Variants in ZBTB20 observed in about 807,000 individuals in gnomAD.
The protein encoded by ZBTB20 is zinc finger and BTB domain-containing protein 20.
Under a neutral mutation model 56.9 loss-of-function variants are expected in ZBTB20, and 9 were observed. The ratio of observed to expected loss-of-function variants is 0.16; its 90% CI spans 0.10 to 0.28. The LOEUF is 0.28. ZBTB20 is among the 10% of genes least tolerant of loss of function. The pLI is 1.00. For missense variants in ZBTB20, 655 were observed against 1,003.0 expected (o/e 0.65, Z 4.69); for synonymous variants, 417 against 420.7 (o/e 0.99, Z 0.11).
chr3:114,875,341 C>T (rs1377936578), intron 4 of ZBTB20, among the ~76,000 whole-genome samples: 5 of 152,186 alleles, frequency 3.3e-5, no homozygotes, highest in Non-Finnish European at 7.3e-5. Flanking sequence ...GCATATTTTG[C>T]ACCTTCACAT....
At position 115,019,231 on chromosome 3, in the gene ZBTB20, T is replaced by G. The variant is rs77968650; in HGVS notation, c.-506-44815A>C. Among the ~76,000 whole-genome samples, 805 of 151,364 alleles carry G rather than the reference T, an allele frequency of 5.3e-3. 8 individuals are homozygous for G. Among genetic ancestry groups the G allele is most frequent in the African/African-American group, 0.019 (770 of 41,428 alleles). On this transcript the variant is annotated intron_variant, in intron 2 of 11. Transcript: ENST00000675478. ...CCTTCATCTTGACAGAGAAAAAATT[T>G]TAGATGGATTAATTTTGAACCTAAA...
chr3:115,065,007 C>T (rs2082157033), intron 2 of ZBTB20, among the ~76,000 whole-genome samples: 1 of 152,106 alleles, frequency 6.6e-6, no homozygotes, highest in South Asian at 2.1e-4. Flanking sequence ...TTACCATATA[C>T]TTTTATAACA....
chr3:115,041,966 A>G (rs1014388194), intron 2 of ZBTB20, among the ~76,000 whole-genome samples: 9 of 152,156 alleles, frequency 5.9e-5, no homozygotes, highest in Non-Finnish European at 1.2e-4. Context: ...TTATTCTAAC[A>G]GATAGGAGGT....
At chr3:115,106,254 G>T (rs1235636131) in intron 1 of ZBTB20, among the ~76,000 whole-genome samples, 4 of 123,080 alleles carry the variant, frequency 3.2e-5, no homozygotes, top group Non-Finnish European at 5.0e-5. Flanking sequence ...TTTTTTTTGA[G>T]ACAGAGTCTC....
intron 6 of ZBTB20, among the ~76,000 whole-genome samples, chr3:114,555,161 G>C (rs2051047251): frequency 6.6e-6 from 1 of 152,070 alleles, no homozygotes; most frequent in Admixed American, 6.6e-5. Flanking sequence ...CCACTGCAAG[G>C]CTATTCCTCA....
intron 5 of ZBTB20, among the ~76,000 whole-genome samples, chr3:114,749,867 G>A (rs2067429574): frequency 6.6e-6 from 1 of 152,184 alleles, no homozygotes; most frequent in Non-Finnish European, 1.5e-5. Flanking sequence ...AGAATTAAAT[G>A]TAAAATGCTT....
At chr3:114,571,084 AAAAG>A (rs1559975244) in intron 6 of ZBTB20, among the ~76,000 whole-genome samples, 2 of 152,318 alleles carry the variant, frequency 1.3e-5, no homozygotes, top group South Asian at 2.1e-4. Context: ...GGAAATTAAA[AAAAG>A]AAAGAAAATA....
intron 2 of ZBTB20, among the ~76,000 whole-genome samples, chr3:114,977,392 A>T (rs2078146548): frequency 6.6e-6 from 1 of 152,230 alleles, no homozygotes; most frequent in Admixed American, 6.5e-5. Flanking sequence ...ATGAGAAAAC[A>T]TCAAGCATTA....
intron 6 of ZBTB20, among the ~76,000 whole-genome samples, chr3:114,577,249 T>C (rs2054174039): frequency 6.6e-6 from 1 of 151,984 alleles, no homozygotes; most frequent in Non-Finnish European, 1.5e-5. Flanking sequence ...TCTAACTATG[T>C]ACCCATATAA....
chr3:114,925,058 A>G (rs2076103948), intron 3 of ZBTB20, among the ~76,000 whole-genome samples: 1 of 139,100 alleles, frequency 7.2e-6, no homozygotes, highest in South Asian at 2.2e-4. Flanking sequence ...ATCTCGGCTC[A>G]CTGCAACCTC....
At chr3:114,638,082 G>A (rs777668684) in intron 6 of ZBTB20, among the ~76,000 whole-genome samples, 71 of 152,150 alleles carry the variant, frequency 4.7e-4, no homozygotes, top group Non-Finnish European at 6.0e-4. Flanking sequence ...AGCCAATTAT[G>A]ACAAGTGTAT....
chr3:114,833,807 C>T (rs1363612746), intron 4 of ZBTB20, among the ~76,000 whole-genome samples: 2 of 151,138 alleles, frequency 1.3e-5, no homozygotes, highest in East Asian at 3.9e-4. Flanking sequence ...ACTGTGATTA[C>T]AGGCATAAGC....
At chr3:114,939,135 T>C (rs987121032) in intron 3 of ZBTB20, among the ~76,000 whole-genome samples, 17 of 146,040 alleles carry the variant, frequency 1.2e-4, no homozygotes, top group Non-Finnish European at 1.9e-4. Context: ...AAAGCTCCTC[T>C]TGAAAACAGA....
intron 4 of ZBTB20, among the ~76,000 whole-genome samples, chr3:114,884,401 G>C (rs1380280926): frequency 6.6e-6 from 1 of 152,188 alleles, no homozygotes; most frequent in Non-Finnish European, 1.5e-5. Flanking sequence ...AATGTTCACA[G>C]TAGACGGCCT....
chr3:114,391,600 C>T (rs1460305223), intron 7 of ZBTB20, among the ~76,000 whole-genome samples: 1 of 152,210 alleles, frequency 6.6e-6, no homozygotes, highest in Non-Finnish European at 1.5e-5. Flanking sequence ...AAAGCTGAGA[C>T]AATTTTTACT....
intron 10 of ZBTB20, among the ~76,000 whole-genome samples, chr3:114,375,183 T>C (rs1388310640): frequency 1.3e-5 from 2 of 152,214 alleles, no homozygotes; most frequent in South Asian, 4.1e-4. Flanking sequence ...CTTAAAGCCT[T>C]ACCTAGAGTT....
At chr3:114,740,923 T>C (rs1271473905) in intron 5 of ZBTB20, among the ~76,000 whole-genome samples, 1 of 152,186 alleles carries the variant, frequency 6.6e-6, no homozygotes, top group Non-Finnish European at 1.5e-5. Flanking sequence ...TTCCCTGCTA[T>C]CAGAAAGAAA....
intron 1 of ZBTB20, among the ~76,000 whole-genome samples, chr3:115,077,832 CA>C (rs971625058): frequency 4.6e-5 from 7 of 152,124 alleles, no homozygotes; most frequent in African/African-American, 1.7e-4. Context: ...GAAGTTTCCT[CA>C]AAAAATTAAA....
chr3:114,759,485 A>G (rs2068281149), intron 5 of ZBTB20, among the ~76,000 whole-genome samples: 1 of 152,172 alleles, frequency 6.6e-6, no homozygotes, highest in South Asian at 2.1e-4. Context: ...CCCTGGTGCC[A>G]ACACAGTCAT....
Sources: gnomAD v4.1 joint callset for allele counts (sites outside exome capture counted in the v4.1 genomes callset) on GRCh38, gnomAD v4.1.1 for gene constraint, MANE v1.5 for transcripts, NCBI Gene and HGNC (gene_info 2026-07-23, HGNC 2026-07-21) for gene names.